The following KIAA0825 variants were observed in gnomAD, a reference collection of about 807,000 sequenced individuals.
KIAA0825 encodes the protein KIAA0825.
In KIAA0825, 119 loss-of-function variants were observed where a neutral mutation model predicts 147.6. The ratio of observed to expected loss-of-function variants is 0.81; its 90% CI spans 0.69 to 0.94. The LOEUF is 0.94. Among genes scored for constraint, KIAA0825 ranks in the 40% least tolerant of loss-of-function variants. The probability of loss-of-function intolerance (pLI) is 0.00; values close to 1 mark genes in which losing one functional copy is unlikely to be tolerated. For synonymous variants in KIAA0825, 470 were observed against 518.1 expected, an observed-to-expected ratio of 0.91 and a Z score of 1.26; for missense variants, 1,381 against 1,472.7, an observed-to-expected ratio of 0.94 and a Z score of 1.02.
intron 13 of KIAA0825, among the ~76,000 whole-genome samples, chr5:94,447,665 T>G (rs1757904504): frequency 6.6e-6 from 1 of 152,112 alleles, no homozygotes; most frequent in Non-Finnish European, 1.5e-5. Flanking sequence ...TAAACACATC[T>G]TGCTAAACTA....
rs1444997449 is a variant in KIAA0825 at position 94,451,104 on chromosome 5, G to A, written c.2357+1855C>T. Among the ~76,000 whole-genome samples, 3 of 152,196 alleles carry A rather than the reference G, an allele frequency of 2.0e-5. No individual in the cohort carries two copies. In the East Asian group the frequency reaches 5.8e-4, roughly 29 times the overall value. Reference sequence around the variant, plus strand: ...TGTAAAGCACTTAGCATTGTGTCTGGTACACACTCATCACTCTAAAAACTG... The same window carrying A: ...TGTAAAGCACTTAGCATTGTGTCTGATACACACTCATCACTCTAAAAACTG... On this transcript the variant is annotated intron_variant, in intron 13 of 20. Coordinates refer to ENST00000682413, the MANE Select transcript of KIAA0825 (RefSeq NM_001145678.3).
intron 20 of KIAA0825, among the ~76,000 whole-genome samples, chr5:94,352,417 CAGT>C (rs1783783196): frequency 6.6e-6 from 1 of 152,118 alleles, no homozygotes; most frequent in Non-Finnish European, 1.5e-5. Context: ...AATCAAAAAA[CAGT>C]AGATGCTGGC....
rs1750650025 is a variant in KIAA0825, at chr5:94,396,346, G to T, written c.3051C>A (p.Asn1017Lys). The T allele has an allele frequency of 6.4e-7, 1 of 1,550,702 alleles. No homozygotes were observed. Among genetic ancestry groups the T allele is most frequent in the Admixed American group, 2.0e-5 (1 of 50,782 alleles). Reference sequence around the variant, plus strand: ...ATATCCGACATATAATTACAATCAAGTTCCAGACAAGCAGGCCAGCTTTCT... The same window carrying T: ...ATATCCGACATATAATTACAATCAATTTCCAGACAAGCAGGCCAGCTTTCT... ...ELKKAGLLVW[N>K]LIVIICRIFE... is the part of the protein sequence containing the mutation. The change falls in exon 17 of 21, where the codon AAC (asparagine) becomes AAA (lysine). Residue 1017 changes from asparagine (N) to lysine (K), a missense_variant. By Grantham distance (94) the Asn-to-Lys change is moderately conservative. Transcript: ENST00000682413.
In KIAA0825 at chr5:94,514,338, A is replaced by AT. The variant is rs556713005; in HGVS notation, c.970+5909dup. Among the ~76,000 whole-genome samples, 305 of 151,998 alleles carry AT rather than the reference A, an allele frequency of 2.0e-3. 1 individual carries two copies. The highest frequency in any genetic ancestry group is 7.1e-3 in the African/African-American group (295 of 41,512). ...CATGTATTAGTATGCAAAGTCTTGG[A>AT]TTTTTTTTCTTTGCAAATCTTTCCA... On this transcript the variant is annotated intron_variant, in intron 5 of 20. Coordinates refer to ENST00000682413, the MANE Select transcript of KIAA0825 (RefSeq NM_001145678.3).
chr5:94,236,653 T>C (rs1775057053), intron 20 of KIAA0825, among the ~76,000 whole-genome samples: 1 of 152,214 alleles, frequency 6.6e-6, no homozygotes, highest in Non-Finnish European at 1.5e-5. Context: ...AAGTATTTTA[T>C]AAAAGGAAGT....
intron 20 of KIAA0825, among the ~76,000 whole-genome samples, chr5:94,258,233 G>A (rs1017774672): frequency 3.4e-4 from 51 of 151,964 alleles, no homozygotes; most frequent in Non-Finnish European, 5.5e-4. Flanking sequence ...GGAAGAGGAA[G>A]GGTATTGGTG....
chr5:94,279,788 C>A (rs1269254494), intron 20 of KIAA0825, among the ~76,000 whole-genome samples: 1 of 151,960 alleles, frequency 6.6e-6, no homozygotes, highest in East Asian at 1.9e-4. Flanking sequence ...TATAGGAGGA[C>A]CACCACCTAA....
chr5:94,364,731 A>G (rs540322351), intron 20 of KIAA0825, among the ~76,000 whole-genome samples: 21 of 152,176 alleles, frequency 1.4e-4, no homozygotes, highest in African/African-American at 4.6e-4. Context: ...CTCCCAATAT[A>G]TAGGAGTTAA....
At chr5:94,346,040 G>A (rs996638344) in intron 20 of KIAA0825, among the ~76,000 whole-genome samples, 1 of 152,136 alleles carries the variant, frequency 6.6e-6, no homozygotes, top group Non-Finnish European at 1.5e-5. Flanking sequence ...GTCAGGGGTC[G>A]ATCTTTAAAT....
chr5:94,501,000 C>T (rs1300997865), intron 5 of KIAA0825, among the ~76,000 whole-genome samples: 1 of 152,122 alleles, frequency 6.6e-6, no homozygotes, highest in African/African-American at 2.4e-5. Flanking sequence ...AGGTGATCCA[C>T]CCACCTCAGC....
chr5:94,235,531 T>C (rs148370558), intron 20 of KIAA0825, among the ~76,000 whole-genome samples: 1 of 152,334 alleles, frequency 6.6e-6, no homozygotes, highest in African/African-American at 2.4e-5. Flanking sequence ...CAGGAAGTGC[T>C]GATGGAGAAG....
At chr5:94,276,871 G>T (rs182732521) in intron 20 of KIAA0825, among the ~76,000 whole-genome samples, 1 of 152,194 alleles carries the variant, frequency 6.6e-6, no homozygotes, top group African/African-American at 2.4e-5. Context: ...ACCAGCCCTT[G>T]CTTTCCATAA....
At chr5:94,206,747 G>C (rs542469477) in intron 20 of KIAA0825, among the ~76,000 whole-genome samples, 15 of 151,986 alleles carry the variant, frequency 9.9e-5, no homozygotes, top group Admixed American at 3.3e-4. Context: ...CCCTTTCTCA[G>C]TGCTTGTCTG....
intron 20 of KIAA0825, among the ~76,000 whole-genome samples, chr5:94,349,592 C>T (rs1783406394): frequency 6.6e-6 from 1 of 152,094 alleles, no homozygotes; most frequent in Admixed American, 6.5e-5. Context: ...CTCTCTTAGA[C>T]CACAGTGGAA....
chr5:94,552,411 C>T (rs2152261691), intron 2 of KIAA0825, among the ~76,000 whole-genome samples: 1 of 152,184 alleles, frequency 6.6e-6, no homozygotes, highest in Middle Eastern at 3.4e-3. Context: ...CAAAATAGAC[C>T]TAATAGATAT....
intron 20 of KIAA0825, among the ~76,000 whole-genome samples, chr5:94,371,298 G>T (rs1746672635): frequency 6.6e-6 from 1 of 152,106 alleles, no homozygotes. Flanking sequence ...AGTCCTACAG[G>T]TATCCTAACT....
chr5:94,333,124 T>C (rs1465772071), intron 20 of KIAA0825, among the ~76,000 whole-genome samples: 1 of 152,240 alleles, frequency 6.6e-6, no homozygotes, highest in East Asian at 1.9e-4. Flanking sequence ...TTCTGGATAT[T>C]AGCCCTTTGT....
intron 20 of KIAA0825, among the ~76,000 whole-genome samples, chr5:94,179,215 CTCTACACAGTTG>C (rs1769379781): frequency 6.6e-6 from 1 of 152,014 alleles, no homozygotes; most frequent in Admixed American, 6.6e-5. Flanking sequence ...GGACATGTGA[CTCTACACAGTTG>C]TCAAAACACA....
At chr5:94,449,345 T>C (rs182763158) in intron 13 of KIAA0825, among the ~76,000 whole-genome samples, 4 of 152,196 alleles carry the variant, frequency 2.6e-5, no homozygotes, top group Admixed American at 1.3e-4. Context: ...AAACAGTCTT[T>C]TAAACACGTT....
Sources: gnomAD v4.1 joint callset for allele counts (sites outside exome capture counted in the v4.1 genomes callset) on GRCh38, gnomAD v4.1.1 for gene constraint, MANE v1.5 for transcripts, NCBI Gene and HGNC (gene_info 2026-07-23, HGNC 2026-07-21) for gene names.